The following SLAMF1 variants were observed in gnomAD, a reference collection of about 807,000 sequenced individuals.
SLAMF1 encodes the protein signaling lymphocytic activation molecule.
A neutral mutation model predicts 35.1 loss-of-function variants in SLAMF1; 18 were observed. The ratio of observed to expected loss-of-function variants is 0.51; its 90% CI spans 0.35 to 0.76. SLAMF1 has a LOEUF of 0.76. Ranked by LOEUF, SLAMF1 falls within the 30% of genes least tolerant of loss-of-function variation. The probability of loss-of-function intolerance (pLI) is 0.01; values close to 1 mark genes in which losing one functional copy is unlikely to be tolerated. For synonymous variants in SLAMF1, 168 were observed against 157.2 expected (o/e 1.07, Z -0.51); for missense variants, 392 against 413.0 (o/e 0.95, Z 0.44).
At chr1:160,627,648 A>G (rs1359095210) in intron 3 of SLAMF1, among the ~76,000 whole-genome samples, 2 of 152,222 alleles carry the variant, frequency 1.3e-5, no homozygotes, top group African/African-American at 2.4e-5. Flanking sequence ...AGAAATTTGG[A>G]TAAGTATGAA....
At chr1:160,630,522 T>C (rs144685835) in intron 3 of SLAMF1, among the ~76,000 whole-genome samples, 45 of 152,324 alleles carry the variant, frequency 3.0e-4, no homozygotes, top group African/African-American at 1.0e-3. Flanking sequence ...TGATGACAGA[T>C]GGCAAAGCAA....
At chr1:160,620,369 G>A (rs1234863611) in intron 4 of SLAMF1, among the ~76,000 whole-genome samples, 1 of 151,766 alleles carries the variant, frequency 6.6e-6, no homozygotes, top group Non-Finnish European at 1.5e-5. Context: ...AGGTAAGGGC[G>A]GGGGGACGTG....
chr1:160,633,324 G>A (rs1018677751), intron 3 of SLAMF1, among the ~76,000 whole-genome samples: 6 of 152,154 alleles, frequency 3.9e-5, no homozygotes, highest in Non-Finnish European at 8.8e-5. Context: ...TGAAATGTCT[G>A]GGGAGGAAAC....
At chr1:160,623,983 G>C (rs1659746879) in intron 4 of SLAMF1, 113 bp downstream of exon 4, 1 of 704,236 alleles carries the variant, frequency 1.4e-6, no homozygotes, top group African/African-American at 1.8e-5. Flanking sequence ...TTTTTGCAAA[G>C]GTGGCCCCAT....
intron 4 of SLAMF1, among the ~76,000 whole-genome samples, chr1:160,622,648 T>C (rs1174118186): frequency 6.6e-6 from 1 of 152,250 alleles, no homozygotes; most frequent in Non-Finnish European, 1.5e-5. Context: ...TGTGTATTGA[T>C]ACCAATCTCC....
intron 5 of SLAMF1, among the ~76,000 whole-genome samples, chr1:160,613,773 A>T (rs1247819532): frequency 6.6e-6 from 1 of 152,264 alleles, no homozygotes; most frequent in Non-Finnish European, 1.5e-5. Context: ...AAAGGAATTC[A>T]ATTTGCCTAT....
At chr1:160,643,386 C>T (rs527262015) in intron 1 of SLAMF1, among the ~76,000 whole-genome samples, 1 of 152,296 alleles carries the variant, frequency 6.6e-6, no homozygotes, top group Admixed American at 6.5e-5. Flanking sequence ...TGACTCCAGG[C>T]TTCATGGCAC....
chr1:160,629,303 G>GTCTC (rs10653393), intron 3 of SLAMF1, among the ~76,000 whole-genome samples: 40 of 150,294 alleles, frequency 2.7e-4, no homozygotes, highest in African/African-American at 4.4e-4. Context: ...ACAGAAGCGT[G>GTCTC]TCTCTCTCTC....
intron 1 of SLAMF1, 129 bp downstream of exon 1, chr1:160,646,741 G>A (rs1268385131): frequency 1.6e-6 from 1 of 620,696 alleles, no homozygotes; most frequent in Non-Finnish European, 3.1e-6. Context: ...AGTTGAAACT[G>A]ACAGCCAGTC....
chr1:160,628,071 C>T (rs771675254), intron 3 of SLAMF1, among the ~76,000 whole-genome samples: 5 of 152,202 alleles, frequency 3.3e-5, no homozygotes, highest in Non-Finnish European at 7.3e-5. Context: ...TGAGGCCTCT[C>T]CAGCCATGTG....
At chr1:160,630,639 G>A (rs750307033) in intron 3 of SLAMF1, among the ~76,000 whole-genome samples, 13 of 151,864 alleles carry the variant, frequency 8.6e-5, no homozygotes, top group Admixed American at 4.6e-4. Flanking sequence ...GCTTTGGCTC[G>A]GGTCCCATCA....
rs1658892114 is a variant in SLAMF1 at position 160,609,923 on chromosome 1, C to A, written c.*825G>T. 5.8e-6 allele frequency: 1 copy of A among 173,262 alleles called. No individual in the cohort carries two copies. The highest frequency in any genetic ancestry group is 5.9e-5 in the Admixed American group (1 of 17,040). 10.7% of individuals were successfully genotyped at this position (173,262 alleles called of 1,614,324 possible). A position where few individuals can be genotyped will look rare whatever the true frequency, so the allele number is the denominator to read the frequency against. Reference sequence around the variant, plus strand: ...CAACAGAGAACTGGGATTTAAACATCATTTTGAGAAGTGAAAAATCACCAT... The same window carrying A: ...CAACAGAGAACTGGGATTTAAACATAATTTTGAGAAGTGAAAAATCACCAT... On this transcript the variant is annotated 3_prime_UTR_variant, in exon 7 of 7. Coordinates refer to ENST00000302035, the MANE Select transcript of SLAMF1 (RefSeq NM_003037.5).
rs753912621 is a variant in SLAMF1 at position 160,646,981 on chromosome 1, G to A, written c.-36C>T. ...GGAGAAGGAAGGGATCCTGGCCGGAGCCTGGCAGCTGCTCACAGATGCCAG... is the reference window on the plus strand; with the variant it reads ...GGAGAAGGAAGGGATCCTGGCCGGAACCTGGCAGCTGCTCACAGATGCCAG... On this transcript the variant is annotated 5_prime_UTR_variant, in exon 1 of 7. Transcript: ENST00000302035. The A allele has an allele frequency of 2.6e-6, 3 of 1,152,680 alleles. No individual in the cohort carries two copies. The South Asian group carries it at 3.7e-5, about 14-fold the overall frequency. The allele number at this position is 1,152,680 out of a possible 1,614,324, so 71.4% of individuals were successfully genotyped here.
chr1:160,641,379 C>G (rs1660736392), intron 1 of SLAMF1, among the ~76,000 whole-genome samples: 1 of 152,112 alleles, frequency 6.6e-6, no homozygotes, highest in South Asian at 2.1e-4. Context: ...ACCTTGCACA[C>G]TCTTTGCGCC....
intron 1 of SLAMF1, among the ~76,000 whole-genome samples, chr1:160,639,561 G>C (rs1660634349): frequency 6.6e-6 from 1 of 152,000 alleles, no homozygotes; most frequent in Non-Finnish European, 1.5e-5. Context: ...AAATCCTCCT[G>C]GCTCTGACTT....
At chr1:160,634,271 T>C (rs1660310216) in intron 3 of SLAMF1, 1 of 247,058 alleles carries the variant, frequency 4.0e-6, no homozygotes, top group African/African-American at 2.3e-5. Flanking sequence ...GAGCATAGAC[T>C]TGGGAGCCAG....
intron 4 of SLAMF1, among the ~76,000 whole-genome samples, chr1:160,620,946 A>G (rs551420562): frequency 1.3e-5 from 2 of 152,332 alleles, no homozygotes; most frequent in African/African-American, 2.4e-5. Context: ...GCAGTTTTGG[A>G]TATTTGCTAT....
chr1:160,637,920 T>C (rs142912616), intron 1 of SLAMF1, among the ~76,000 whole-genome samples: 4 of 152,250 alleles, frequency 2.6e-5, no homozygotes, highest in Middle Eastern at 3.4e-3. Flanking sequence ...CCATTGAATA[T>C]ACAGGATGAA....
chr1:160,627,897 G>A (rs1478180469), intron 3 of SLAMF1, among the ~76,000 whole-genome samples: 2 of 152,194 alleles, frequency 1.3e-5, no homozygotes, highest in African/African-American at 4.8e-5. Flanking sequence ...GCCAGGTGGA[G>A]ATAATTGAAT....
Sources: gnomAD v4.1 joint callset for allele counts (sites outside exome capture counted in the v4.1 genomes callset) on GRCh38, gnomAD v4.1.1 for gene constraint, MANE v1.5 for transcripts, NCBI Gene and HGNC (gene_info 2026-07-23, HGNC 2026-07-21) for gene names.